The following ERC2 variants were observed in gnomAD, a reference collection of about 807,000 sequenced individuals.
The protein encoded by ERC2 is ELKS/RAB6-interacting/CAST family member 2.
Under a neutral mutation model 114.8 loss-of-function variants are expected in ERC2, and 42 were observed. The ratio of observed to expected loss-of-function variants is 0.37; its 90% CI spans 0.29 to 0.47. The LOEUF (loss-of-function observed/expected upper bound fraction) is 0.47. Ranked by LOEUF, ERC2 falls within the 20% of genes least tolerant of loss-of-function variation. The pLI is 0.99. For missense variants in ERC2, 939 were observed against 1,150.7 expected, an observed-to-expected ratio of 0.82 and a Z score of 2.66; for synonymous variants, 454 against 425.5, an observed-to-expected ratio of 1.07 and a Z score of -0.82.
At chr3:56,081,556 T>A (rs529383820) in intron 6 of ERC2, among the ~76,000 whole-genome samples, 1 of 151,874 alleles carries the variant, frequency 6.6e-6, no homozygotes, top group East Asian at 1.9e-4. Flanking sequence ...TTCCAAATAC[T>A]TTTAAAGAAA....
chr3:56,463,119 T>C (rs951949734), intron 1 of ERC2, among the ~76,000 whole-genome samples: 7 of 152,108 alleles, frequency 4.6e-5, no homozygotes, highest in Admixed American at 3.9e-4. Flanking sequence ...TTCCAGCTAC[T>C]GGGAAGACTG....
chr3:56,165,935 G>A (rs2316481), intron 4 of ERC2, among the ~76,000 whole-genome samples: 12,642 of 151,762 alleles, frequency 0.083, 716 homozygotes, highest in East Asian at 0.15. Context: ...TTATCGAACA[G>A]AAGTGATGGT....
intron 17 of ERC2, among the ~76,000 whole-genome samples, chr3:55,593,276 G>A (rs1206649791): frequency 1.3e-5 from 2 of 152,176 alleles, no homozygotes; most frequent in African/African-American, 2.4e-5. Flanking sequence ...CCATCTGAGA[G>A]CAGGGATGAA....
rs144130821 is a variant in ERC2, at chr3:55,824,330, T to C, written c.2564+64059A>G. Among the ~76,000 whole-genome samples the C allele has an allele frequency of 6.2e-3, 943 of 152,296 alleles. 8 individuals are homozygous for C. The highest frequency in any genetic ancestry group is 0.021 in the African/African-American group (883 of 41,568). On this transcript the variant is annotated intron_variant, in intron 14 of 17. Transcript: ENST00000288221. ...GGAACTGGAAGCTGTGAGTTGAAGA[T>C]GGCCAACCTTCCATCATCCAGGCCC... is the stretch of plus-strand genomic sequence containing the variant.
At chr3:56,260,010 A>G (rs902760668) in intron 3 of ERC2, among the ~76,000 whole-genome samples, 6 of 152,194 alleles carry the variant, frequency 3.9e-5, no homozygotes, top group South Asian at 2.1e-4. Context: ...CTTGGATTCC[A>G]TAAGCTTCCT....
chr3:56,002,499 A>G (rs1282064069), intron 10 of ERC2, among the ~76,000 whole-genome samples: 1 of 152,168 alleles, frequency 6.6e-6, no homozygotes, highest in African/African-American at 2.4e-5. Flanking sequence ...CACCTGGCTC[A>G]TTTTACAAAT....
At chr3:55,603,735 T>C (rs1123080) in intron 17 of ERC2, among the ~76,000 whole-genome samples, 32,482 of 151,968 alleles carry the variant, frequency 0.21, 3,689 homozygotes, top group Admixed American at 0.3. Context: ...CCTGTCTCAT[T>C]ATGAAGAAAA....
chr3:55,650,907 C>T (rs867088973), intron 17 of ERC2, among the ~76,000 whole-genome samples: 7 of 150,498 alleles, frequency 4.7e-5, no homozygotes, highest in African/African-American at 9.8e-5. Context: ...AGTGCGGTGG[C>T]GCGATCTCAG....
chr3:55,636,674 G>A (rs74994585), intron 17 of ERC2, among the ~76,000 whole-genome samples: 3,160 of 152,188 alleles, frequency 0.021, 41 homozygotes, highest in Middle Eastern at 0.068. Flanking sequence ...GGTTTCTGTC[G>A]CAACTATTTA....
At chr3:55,592,839 AC>A (rs1187136669) in intron 17 of ERC2, among the ~76,000 whole-genome samples, 1 of 152,094 alleles carries the variant, frequency 6.6e-6, no homozygotes, top group Non-Finnish European at 1.5e-5. Context: ...TCACCTACCC[AC>A]CTTTGGTAGC....
intron 17 of ERC2, among the ~76,000 whole-genome samples, chr3:55,577,436 A>T (rs2057041004): frequency 6.6e-6 from 1 of 152,214 alleles, no homozygotes; most frequent in African/African-American, 2.4e-5. Context: ...TTCCCGAGGC[A>T]CTTGGGGAAT....
At chr3:55,763,933 T>G (rs2067606612) in intron 14 of ERC2, among the ~76,000 whole-genome samples, 1 of 152,236 alleles carries the variant, frequency 6.6e-6, no homozygotes, top group African/African-American at 2.4e-5. Context: ...AAATAAATGT[T>G]GGCTTCTCAC....
intron 17 of ERC2, among the ~76,000 whole-genome samples, chr3:55,559,805 C>G (rs73830645): frequency 1.3e-5 from 2 of 152,222 alleles, no homozygotes; most frequent in African/African-American, 4.8e-5. Context: ...GGCTTGACCT[C>G]AGGCTTTGGC....
At chr3:55,532,962 C>A (rs1298158445) in intron 17 of ERC2, among the ~76,000 whole-genome samples, 1 of 152,204 alleles carries the variant, frequency 6.6e-6, no homozygotes, top group Non-Finnish European at 1.5e-5. Context: ...CAAACAAAAA[C>A]TGCCTGAAAC....
chr3:55,587,689 G>C (rs988257590), intron 17 of ERC2, among the ~76,000 whole-genome samples: 1 of 152,222 alleles, frequency 6.6e-6, no homozygotes, highest in Admixed American at 6.5e-5. Context: ...GTAGAGTGAG[G>C]GCAATGCACT....
intron 16 of ERC2, among the ~76,000 whole-genome samples, chr3:55,685,060 G>A (rs773309073): frequency 6.6e-6 from 1 of 152,074 alleles, no homozygotes; most frequent in South Asian, 2.1e-4. Context: ...CACCTAATCC[G>A]GCCAATAGGC....
intron 12 of ERC2, among the ~76,000 whole-genome samples, chr3:55,951,986 AC>A (rs915174117): frequency 6.6e-6 from 1 of 151,662 alleles, no homozygotes; most frequent in Admixed American, 6.6e-5. Context: ...ATTATCTAGT[AC>A]TAACAGTGTA....
At chr3:55,947,019 G>A (rs1182407450) in intron 13 of ERC2, among the ~76,000 whole-genome samples, 4 of 152,174 alleles carry the variant, frequency 2.6e-5, no homozygotes, top group Non-Finnish European at 2.9e-5. Flanking sequence ...AGCAGAGGCC[G>A]CAAGCCAATG....
intron 16 of ERC2, among the ~76,000 whole-genome samples, chr3:55,691,592 A>G (rs910762827): frequency 8.1e-5 from 11 of 136,594 alleles, no homozygotes; most frequent in African/African-American, 3.0e-4. Context: ...ATATATATAT[A>G]TATATATATA....
Sources: allele counts gnomAD v4.1 joint callset (sites outside exome capture counted in the v4.1 genomes callset), GRCh38; gene constraint gnomAD v4.1.1; transcripts MANE v1.5; gene names NCBI Gene and HGNC (gene_info 2026-07-23, HGNC 2026-07-21).